Variants in TMEM100 observed in about 807,000 individuals in gnomAD.
The protein encoded by TMEM100 is transmembrane protein 100.
For synonymous variants in TMEM100, 61 were observed against 67.1 expected (o/e 0.91, Z 0.44); for missense variants, 137 against 168.2 (o/e 0.81, Z 1.02).
rs376662097 is a variant in TMEM100 at position 55,720,655 on chromosome 17, C to G, written c.*11G>C. On this transcript the variant is annotated 3_prime_UTR_variant, in exon 2 of 2. Transcript: ENST00000424486. ...TTCCAGGCCCAATGGCCCATTTGGT[C>G]GTATTCAGTCTCAAGCAAACAAGCT... 2 of 1,585,726 alleles carry G rather than the reference C, an allele frequency of 1.3e-6. No homozygotes were observed. Among genetic ancestry groups the G allele is most frequent in the African/African-American group, 2.7e-5 (2 of 73,880 alleles).
upstream of TMEM100, among the ~76,000 whole-genome samples, chr17:55,727,358 A>C (rs1459042839): frequency 3.3e-5 from 5 of 152,252 alleles, no homozygotes; most frequent in Non-Finnish European, 7.3e-5. Context: ...TTCCTAAGAC[A>C]AATGCACACT....
At chr17:55,723,109 A>G (rs574487598), upstream of TMEM100, 2 of 152,072 alleles carry the variant, frequency 1.3e-5, no homozygotes, top group African/African-American at 2.4e-5. Flanking sequence ...TGAATGACTC[A>G]TTTTTTCCCC....
intron 1 of TMEM100, among the ~76,000 whole-genome samples, chr17:55,730,052 T>C (rs1348886829): frequency 6.6e-6 from 1 of 152,154 alleles, no homozygotes; most frequent in Non-Finnish European, 1.5e-5. Flanking sequence ...TTTAAAAAAA[T>C]AGCAATCCAA....
chr17:55,720,531 C>G lies in TMEM100; in HGVS notation c.*135G>C. ...CATTCCTCACAAAGGAGAAGCCCCTCCACCCTCCCACCCCCATTCTTCCAG... is the reference window on the plus strand; with the variant it reads ...CATTCCTCACAAAGGAGAAGCCCCTGCACCCTCCCACCCCCATTCTTCCAG... On this transcript the variant is annotated 3_prime_UTR_variant, in exon 2 of 2. Transcript: ENST00000424486. 11 of 636,256 alleles carry G rather than the reference C, an allele frequency of 1.7e-5. No individual in the cohort carries two copies. The highest frequency in any genetic ancestry group is 5.2e-4 in the Middle Eastern group (1 of 1,914). The allele number at this position is 636,256 out of a possible 1,614,324, so 39.4% of individuals were successfully genotyped here.
At chr17:55,722,932 T>C (rs1052401606), upstream of TMEM100, 3 of 152,244 alleles carry the variant, frequency 2.0e-5, no homozygotes, top group Non-Finnish European at 4.4e-5. Context: ...TAACATTTTT[T>C]TTTTTCCTTC....
intron 1 of TMEM100, 103 bp from the exon 2 acceptor site, chr17:55,721,238 C>T: frequency 1.3e-6 from 1 of 750,384 alleles, no homozygotes; most frequent in Non-Finnish European, 2.0e-6. Context: ...AGGCACAGAT[C>T]CATGTGAAAA....
chr17:55,728,718 G>A (rs2144872476), intron 1 of TMEM100, among the ~76,000 whole-genome samples: 1 of 152,292 alleles, frequency 6.6e-6, no homozygotes, highest in East Asian at 1.9e-4. Flanking sequence ...ACACCAACGT[G>A]GGTAATCCTT....
At chr17:55,727,470 G>A (rs1364718429), upstream of TMEM100, among the ~76,000 whole-genome samples, 1 of 151,968 alleles carries the variant, frequency 6.6e-6, no homozygotes, top group Non-Finnish European at 1.5e-5. Flanking sequence ...GAGAAGGGAA[G>A]GGATCACAAT....
intron 1 of TMEM100, among the ~76,000 whole-genome samples, chr17:55,730,960 A>G (rs976537753): frequency 6.6e-6 from 1 of 152,240 alleles, no homozygotes; most frequent in Non-Finnish European, 1.5e-5. Context: ...AGCAATGTAA[A>G]AACTTGGTAA....
At chr17:55,722,869 G>A (rs1395112914), upstream of TMEM100, 1 of 152,060 alleles carries the variant, frequency 6.6e-6, no homozygotes, top group Non-Finnish European at 1.5e-5. Flanking sequence ...AATGACGCTT[G>A]TCTTTCCCTC....
At chr17:55,723,544 C>A (rs1908976868), upstream of TMEM100, among the ~76,000 whole-genome samples, 1 of 152,184 alleles carries the variant, frequency 6.6e-6, no homozygotes, top group Admixed American at 6.5e-5. Context: ...CTACTGTGGA[C>A]ATGGCACAAT....
At chr17:55,727,698 C>T (rs1471440167), upstream of TMEM100, 2 of 152,186 alleles carry the variant, frequency 1.3e-5, no homozygotes, top group Non-Finnish European at 1.5e-5. Context: ...TGGAAATCAC[C>T]TCGCAACATG....
rs2144860213 is a variant in TMEM100 at position 55,720,530 on chromosome 17, T to C, written c.*136A>G. ...TCATTCCTCACAAAGGAGAAGCCCC[T>C]CCACCCTCCCACCCCCATTCTTCCA... On this transcript the variant is annotated 3_prime_UTR_variant, in exon 2 of 2. Coordinates refer to ENST00000424486, the MANE Select transcript of TMEM100 (RefSeq NM_018286.3). The C allele has an allele frequency of 3.0e-6, 2 of 663,598 alleles. No individual in the cohort carries two copies. 41.1% of individuals were successfully genotyped at this position (663,598 alleles called of 1,614,324 possible). A position where few individuals can be genotyped will look rare whatever the true frequency, so the allele number is the denominator to read the frequency against.
chr17:55,720,720 C>T lies in TMEM100; in HGVS notation c.351G>A (p.Lys117=). The T allele has an allele frequency of 6.2e-7, 1 of 1,614,126 alleles. No homozygotes were observed. The highest frequency in any genetic ancestry group is 8.5e-7 in the Non-Finnish European group (1 of 1,179,994). Residue 117 remains lysine, a synonymous_variant, in exon 2 of 2, where the codon AAG becomes AAA. Coordinates refer to ENST00000424486, the MANE Select transcript of TMEM100 (RefSeq NM_018286.3). ...CGAGAGCTGTTTGACTCTCCCGTCT[C>T]TTGGCTTTCTTGCTCCTTTGTCTCA... ...WKVRQRSKKA[K]RRESQTALVA...
At chr17:55,729,760 G>A (rs1455989493) in intron 1 of TMEM100, among the ~76,000 whole-genome samples, 1 of 152,052 alleles carries the variant, frequency 6.6e-6, no homozygotes, top group East Asian at 1.9e-4. Flanking sequence ...TATTTTTACT[G>A]ACCATATGCA....
chr17:55,728,874 G>T (rs1909135553), intron 1 of TMEM100, among the ~76,000 whole-genome samples: 1 of 152,128 alleles, frequency 6.6e-6, no homozygotes, highest in Non-Finnish European at 1.5e-5. Context: ...AAATAGAAAA[G>T]GAAAGAACAT....
chr17:55,725,551 G>C (rs373842203), upstream of TMEM100, among the ~76,000 whole-genome samples: 5 of 152,158 alleles, frequency 3.3e-5, no homozygotes, highest in South Asian at 6.2e-4. Context: ...CAGACAGGGG[G>C]ATGCAAATCA....
At chr17:55,729,105 C>T (rs1909140521) in intron 1 of TMEM100, among the ~76,000 whole-genome samples, 1 of 152,190 alleles carries the variant, frequency 6.6e-6, no homozygotes. Context: ...CAGGATTGCA[C>T]AGTGAGCTCT....
At chr17:55,730,937 T>C (rs1909191070) in intron 1 of TMEM100, among the ~76,000 whole-genome samples, 1 of 152,216 alleles carries the variant, frequency 6.6e-6, no homozygotes, top group African/African-American at 2.4e-5. Context: ...ACAGGCATTA[T>C]TGTCTTTGAA....
Sources: gnomAD v4.1 joint callset for allele counts (sites outside exome capture counted in the v4.1 genomes callset) on GRCh38, gnomAD v4.1.1 for gene constraint, MANE v1.5 for transcripts, NCBI Gene and HGNC (gene_info 2026-07-23, HGNC 2026-07-21) for gene names.